The following C6 variants were observed in gnomAD, a reference collection of about 807,000 sequenced individuals.
C6 encodes complement component C6.
C6 carries 101 observed loss-of-function variants against 112.9 expected under a neutral mutation model. The ratio of observed to expected loss-of-function variants is 0.89; its 90% CI spans 0.76 to 1.06. The LOEUF is 1.06. C6 is among the 50% of genes least tolerant of loss of function. The pLI, the probability that C6 is intolerant of heterozygous loss-of-function variation, is 0.00. For missense variants in C6, 1,202 were observed against 1,104.6 expected, an observed-to-expected ratio of 1.09 and a Z score of -1.25; for synonymous variants, 431 against 384.1, an observed-to-expected ratio of 1.12 and a Z score of -1.43.
intron 1 of C6, among the ~76,000 whole-genome samples, 170 bp downstream of exon 1, chr5:41,213,206 T>C (rs1752053434): frequency 6.6e-6 from 1 of 152,142 alleles, no homozygotes; most frequent in African/African-American, 2.4e-5. Context: ...TTAAAAAACA[T>C]GACCTCTGGT....
chr5:41,191,149 C>T (rs1292207762), intron 5 of C6, among the ~76,000 whole-genome samples: 1 of 145,658 alleles, frequency 6.9e-6, no homozygotes, highest in Non-Finnish European at 1.5e-5. Flanking sequence ...TCACTGCAAC[C>T]TCCACCTCCC....
upstream of C6, among the ~76,000 whole-genome samples, chr5:41,214,144 TA>T (rs1168497632): frequency 2.0e-5 from 3 of 152,086 alleles, no homozygotes; most frequent in Non-Finnish European, 4.4e-5. Context: ...AAAAAAACTA[TA>T]GGGACTGAGA....
intron 1 of C6, among the ~76,000 whole-genome samples, chr5:41,204,786 CAGCCTCCTG>C (rs1242986835): frequency 6.6e-6 from 1 of 150,906 alleles, no homozygotes; most frequent in African/African-American, 2.4e-5. Context: ...TCTCCTGCCT[CAGCCTCCTG>C]AGGAGGTGGG....
intron 1 of C6, among the ~76,000 whole-genome samples, chr5:41,211,990 C>T (rs544671339): frequency 6.6e-6 from 1 of 152,044 alleles, no homozygotes; most frequent in African/African-American, 2.4e-5. Context: ...ATATTCTGAT[C>T]GCTCTTTAAG....
At chr5:41,143,099 T>C (rs752287813) in intron 17 of C6, 93 bp from the exon 18 acceptor site, 8 of 1,125,594 alleles carry the variant, frequency 7.1e-6, no homozygotes, top group South Asian at 1.3e-5. Context: ...AGCTCCTTGA[T>C]GGTGTTAAAT....
chr5:41,149,050 A>G (rs774529270), intron 17 of C6, among the ~76,000 whole-genome samples, 191 bp downstream of exon 17: 20 of 152,184 alleles, frequency 1.3e-4, no homozygotes, highest in Non-Finnish European at 2.2e-4. Context: ...ATACACCCAC[A>G]TTACTACAGT....
chr5:41,216,049 C>A (rs184425089), upstream of C6, among the ~76,000 whole-genome samples: 18 of 152,146 alleles, frequency 1.2e-4, no homozygotes, highest in East Asian at 2.5e-3. Flanking sequence ...TGAACTATTT[C>A]AATTGGGGGA....
intron 1 of C6, among the ~76,000 whole-genome samples, chr5:41,221,808 T>C (rs936814476): frequency 2.0e-5 from 3 of 152,310 alleles, no homozygotes; most frequent in Non-Finnish European, 4.4e-5. Context: ...CAACAATATA[T>C]AAATGAATAT....
At chr5:41,188,276 A>C (rs1314092736) in intron 5 of C6, among the ~76,000 whole-genome samples, 1 of 152,128 alleles carries the variant, frequency 6.6e-6, no homozygotes, top group Non-Finnish European at 1.5e-5. Flanking sequence ...AAAATTCACA[A>C]GACAATTCTA....
chr5:41,154,294 C>A (rs1362165743), intron 14 of C6, among the ~76,000 whole-genome samples: 7 of 152,214 alleles, frequency 4.6e-5, no homozygotes, highest in Non-Finnish European at 1.0e-4. Context: ...GAAACACTTT[C>A]TTTTCTCTTA....
At chr5:41,160,604 G>A (rs73750297) in intron 10 of C6, among the ~76,000 whole-genome samples, 3,320 of 152,248 alleles carry the variant, frequency 0.022, 128 homozygotes, top group African/African-American at 0.075. Context: ...GGAAGCATGG[G>A]AGGTGTTGCT....
chr5:41,244,243 G>A (rs191811909), intron 1 of C6, among the ~76,000 whole-genome samples: 270 of 152,134 alleles, frequency 1.8e-3, no homozygotes, highest in African/African-American at 5.6e-3. Flanking sequence ...TTTTTATTAC[G>A]TTTTCTTTCT....
At chr5:41,208,837 T>C (rs1443060198) in intron 1 of C6, among the ~76,000 whole-genome samples, 6 of 151,802 alleles carry the variant, frequency 4.0e-5, no homozygotes, top group Non-Finnish European at 8.8e-5. Flanking sequence ...TTCCAATCAA[T>C]AGAAAAAGAG....
intron 1 of C6, among the ~76,000 whole-genome samples, chr5:41,231,048 T>C (rs1250077768): frequency 6.6e-6 from 1 of 152,152 alleles, no homozygotes; most frequent in African/African-American, 2.4e-5. Context: ...GGAGTATCTT[T>C]TTCTATTCTT....
chr5:41,145,814 T>G (rs1342073540), intron 17 of C6, among the ~76,000 whole-genome samples: 1 of 152,196 alleles, frequency 6.6e-6, no homozygotes, highest in African/African-American at 2.4e-5. Context: ...CACCTCTGGT[T>G]AGGACATCAG....
At chr5:41,193,905 A>C (rs1750412009) in intron 5 of C6, among the ~76,000 whole-genome samples, 1 of 151,172 alleles carries the variant, frequency 6.6e-6, no homozygotes, top group Non-Finnish European at 1.5e-5. Context: ...AATTCTCAAA[A>C]CTCTCAGTCT....
intron 1 of C6, among the ~76,000 whole-genome samples, chr5:41,228,719 G>T (rs961444515): frequency 6.6e-6 from 1 of 152,028 alleles, no homozygotes; most frequent in Non-Finnish European, 1.5e-5. Flanking sequence ...TGATAATATG[G>T]TTTTTGTTTT....
chr5:41,163,274 C>G (rs2150277670), intron 9 of C6, among the ~76,000 whole-genome samples: 1 of 149,448 alleles, frequency 6.7e-6, no homozygotes, highest in South Asian at 2.1e-4. Context: ...TCAAAAATTT[C>G]AAGAAACTTT....
chr5:41,206,352 AC>A (rs1751434244), intron 1 of C6, among the ~76,000 whole-genome samples: 1 of 152,238 alleles, frequency 6.6e-6, no homozygotes, highest in Admixed American at 6.5e-5. Context: ...ATGTAAAGGA[AC>A]AAAGCTGAAC....
Sources: gnomAD v4.1 joint callset for allele counts (sites outside exome capture counted in the v4.1 genomes callset) on GRCh38, gnomAD v4.1.1 for gene constraint, MANE v1.5 for transcripts, NCBI Gene and HGNC (gene_info 2026-07-23, HGNC 2026-07-21) for gene names.